Variants in GAS2L2 observed in about 807,000 individuals in gnomAD.
The protein encoded by GAS2L2 is GAS2-like protein 2.
In GAS2L2, 21 loss-of-function variants were observed where a neutral mutation model predicts 35.2. That is an observed-to-expected ratio of 0.60 (90% confidence interval 0.42 to 0.86). The LOEUF is 0.86. Ranked by LOEUF, GAS2L2 falls within the 40% of genes least tolerant of loss-of-function variation. The probability of loss-of-function intolerance (pLI) is 0.00; values close to 1 mark genes in which losing one functional copy is unlikely to be tolerated. For missense variants in GAS2L2, 1,169 were observed against 1,144.4 expected (o/e 1.02, Z -0.31); for synonymous variants, 490 against 473.2 (o/e 1.04, Z -0.46).
At position 35,746,017 on chromosome 17, in the gene GAS2L2, G is replaced by A. The variant is rs1555598906; in HGVS notation, c.1480C>T (p.Pro494Ser). 5 of 1,561,976 alleles carry A rather than the reference G, an allele frequency of 3.2e-6. No individual in the cohort carries two copies. The highest frequency in any genetic ancestry group is 4.3e-6 in the Non-Finnish European group (5 of 1,151,638). ...TTGGTTAGGCCTTGGACAGGGGTTG[G>A]AGAACGGACAGACTCTGGCTCCCTG... is the stretch of plus-strand genomic sequence containing the variant. The part of the protein sequence containing the change: ...QFREPESVRS[P>S]TPVQGLTKIP... Residue 494 changes from proline (P) to serine (S), a missense_variant, in exon 6 of 6, where the codon CCA (proline) becomes TCA (serine). By Grantham distance (74) the Pro-to-Ser change is moderately conservative. Around this residue, in one of 3 missense-constraint regions of GAS2L2, gnomAD observed 1,035 missense variants for 976.5 expected, o/e 1.06. Transcript: ENST00000604641.
rs781785259 is a variant in GAS2L2, at chr17:35,745,451, C to T, written c.2046G>A (p.Lys682=). The change falls in exon 6 of 6, where the codon AAG becomes AAA. Residue 682 remains lysine, a synonymous_variant. Transcript: ENST00000604641. Reference sequence around the variant, plus strand: ...TTCCCGGTCCTGGGGTAACAGCTGGCTTAGGGGAGCCAGTCGGGGCTGCCT... The same window carrying T: ...TTCCCGGTCCTGGGGTAACAGCTGGTTTAGGGGAGCCAGTCGGGGCTGCCT... ...AWKAAPTGSP[K]PAVTPGPGSL... 2 of 1,584,590 alleles carry T rather than the reference C, an allele frequency of 1.3e-6. No individual in the cohort carries two copies. Among genetic ancestry groups the T allele is most frequent in the Non-Finnish European group, 1.7e-6 (2 of 1,164,230 alleles).
Position 35,752,937 on chromosome 17 carries a change from G to T in GAS2L2, c.-87C>A. The T allele has an allele frequency of 7.1e-7, 1 of 1,407,054 alleles. No homozygotes were observed. Among genetic ancestry groups the T allele is most frequent in the Non-Finnish European group, 9.5e-7 (1 of 1,053,776 alleles). The allele number at this position is 1,407,054 out of a possible 1,614,324, so 87.2% of individuals were successfully genotyped here. Reference sequence around the variant, plus strand: ...CCCGCTGCTGCTGGGTCTCGGCTGGGTTCTTCCTGATTCTGAGGTTCCCGT... The same window carrying T: ...CCCGCTGCTGCTGGGTCTCGGCTGGTTTCTTCCTGATTCTGAGGTTCCCGT... On this transcript the variant is annotated 5_prime_UTR_variant, in exon 1 of 6. Transcript: ENST00000604641.
chr17:35,750,469 T>C, intron 1 of GAS2L2, 151 bp from the exon 2 acceptor site: 2 of 1,099,270 alleles, frequency 1.8e-6, no homozygotes, highest in South Asian at 2.7e-5. Flanking sequence ...CTCAGAATCT[T>C]GGGGTCAAGT....
intron 4 of GAS2L2, 131 bp downstream of exon 4, chr17:35,747,718 C>A: frequency 1.4e-6 from 1 of 713,888 alleles, no homozygotes. Flanking sequence ...CTCCAGCCTC[C>A]CCCACACCTC....
At position 35,750,257 on chromosome 17, in the gene GAS2L2, C is replaced by T; in HGVS notation, c.447G>A (p.Leu149=). The T allele has an allele frequency of 5.0e-6, 8 of 1,614,072 alleles. No individual in the cohort carries two copies. Among genetic ancestry groups the T allele is most frequent in the Non-Finnish European group, 6.8e-6 (8 of 1,179,974 alleles). Residue 149 remains leucine (L), a synonymous_variant, in exon 2 of 6, where the codon CTG becomes CTA. Transcript: ENST00000604641. ...CCCGGCGGCCCAGCTCCAGCAAACACAGCACCACGTTCTTCACGTTCTTGC... is the reference window on the plus strand; with the variant it reads ...CCCGGCGGCCCAGCTCCAGCAAACATAGCACCACGTTCTTCACGTTCTTGC... ...VLRKNVKNVV[L]CLLELGRRAW... is the part of the protein sequence containing the mutation.
chr17:35,747,163 C>T lies in GAS2L2; in HGVS notation c.938G>A (p.Arg313His), dbSNP rs201782410. 972 of 1,613,828 alleles carry T rather than the reference C, an allele frequency of 6.0e-4. No homozygotes were observed. The highest frequency in any genetic ancestry group is 7.1e-4 in the Non-Finnish European group (832 of 1,179,896). The change falls in exon 5 of 6, where the codon CGC (arginine) becomes CAC (histidine). Residue 313 changes from arginine to histidine, a missense_variant. Transcript: ENST00000604641. ...SQTQPTMTIS[R>H]SQSPPPPVDW... ...CACAGGGGGTGGTGGGCTCTGTGAG[C>T]GGCTGATGGTCATTGTAGGCTGGGT...
Position 35,752,887 on chromosome 17 carries a change from C to T in GAS2L2, c.-37G>A. 6.5e-7 allele frequency: 1 copy of T among 1,541,692 alleles called. No individual in the cohort carries two copies. Among genetic ancestry groups the T allele is most frequent in the Non-Finnish European group, 8.7e-7 (1 of 1,143,974 alleles). ...AGCAGGGCAGGAGGTGGGCACCTCC[C>T]CTCTCCCACTGCCGCCTCTTTCCTC... On this transcript the variant is annotated 5_prime_UTR_variant, in exon 1 of 6. Transcript: ENST00000604641.
Position 35,745,645 on chromosome 17 carries a change from TG to T in GAS2L2, c.1851del (p.Arg618GlyfsTer92). Reference sequence around the variant, plus strand: ...CTTGTGCCCTGCGGACAGGCACTCCTGACTTCTAGCAGCTTCATGTTGCCCA... The same window carrying T: ...CTTGTGCCCTGCGGACAGGCACTCCTACTTCTAGCAGCTTCATGTTGCCCA... ...EILGNMKLLE[V>X]RSACPQGTRS... On this transcript the variant is annotated frameshift_variant, in exon 6 of 6. Coordinates refer to ENST00000604641, the MANE Select transcript of GAS2L2 (RefSeq NM_139285.4). LOFTEE classifies it low-confidence loss of function (END_TRUNC). 1.9e-6 allele frequency: 3 copies of T among 1,613,960 alleles called. No individual in the cohort carries two copies. The highest frequency in any genetic ancestry group is 2.5e-6 in the Non-Finnish European group (3 of 1,180,034).
In GAS2L2 at chr17:35,745,069, G is replaced by A. The variant is rs782400830; in HGVS notation, c.2428C>T (p.Pro810Ser). ...AYVFLGPARQPPKDRLLRAVL... is the reference protein window; with the variant it reads ...AYVFLGPARQSPKDRLLRAVL... The stretch of plus-strand genomic sequence containing the variant: ...GCTCTCAACAGCCTGTCCTTGGGGG[G>A]CTGCCTGGCTGGACCCAGGAAGACA... The change falls in exon 6 of 6, where the codon CCC becomes TCC. Residue 810 changes from proline (P) to serine (S), a missense_variant. This residue lies in a region of GAS2L2 where 1,035 missense variants were observed against 976.5 expected (regional missense o/e 1.06). Coordinates refer to ENST00000604641, the MANE Select transcript of GAS2L2 (RefSeq NM_139285.4). The A allele has an allele frequency of 5.6e-6, 9 of 1,613,660 alleles. No homozygotes were observed. In the East Asian group the frequency reaches 1.6e-4, roughly 28 times the overall value.
rs587762210 is a variant in GAS2L2, at chr17:35,750,323, A to G, written c.386-5T>C. On this transcript the variant is annotated splice_region_variant and splice_polypyrimidine_tract_variant and intron_variant, in intron 1 of 5. Coordinates refer to ENST00000604641, the MANE Select transcript of GAS2L2 (RefSeq NM_139285.4). ...CCGTCTCGAACATCAGCACCTCTGG[A>G]GTGGAGGCGGGGAGAAAAGGGCAGA... The G allele has an allele frequency of 6.2e-7, 1 of 1,613,850 alleles. No individual in the cohort carries two copies. The highest frequency in any genetic ancestry group is 1.3e-5 in the African/African-American group (1 of 74,996).
chr17:35,747,734 C>A (rs1412391585), intron 4 of GAS2L2, 115 bp downstream of exon 4: 5 of 818,600 alleles, frequency 6.1e-6, no homozygotes, highest in African/African-American at 5.0e-5. Context: ...ACCTCCCCAC[C>A]TACCGCTCCC....
At chr17:35,750,013 C>T (rs2085692749) in intron 2 of GAS2L2, 64 bp downstream of exon 2, 1 of 1,538,138 alleles carries the variant, frequency 6.5e-7, no homozygotes, top group Non-Finnish European at 8.8e-7. Flanking sequence ...TGGAGTGGGA[C>T]TGGGGAGAGG....
At position 35,752,865 on chromosome 17, in the gene GAS2L2, A is replaced by G. The variant is rs2085713079; in HGVS notation, c.-15T>C. 3.8e-6 allele frequency: 6 copies of G among 1,573,248 alleles called. No individual in the cohort carries two copies. Among genetic ancestry groups the G allele is most frequent in the Non-Finnish European group, 5.2e-6 (6 of 1,156,186 alleles). On this transcript the variant is annotated 5_prime_UTR_variant, in exon 1 of 6. Transcript: ENST00000604641. ...GGCTGGGACATGGCTGGACCCCAGC[A>G]GGGCAGGAGGTGGGCACCTCCCCTC...
At chr17:35,748,043 T>C (rs1485104541) in intron 3 of GAS2L2, 98 bp from the exon 4 acceptor site, 2 of 799,358 alleles carry the variant, frequency 2.5e-6, no homozygotes, top group Admixed American at 4.1e-5. Context: ...GATGCTCTCA[T>C]CCATGTACCC....
At chr17:35,749,047 T>C (rs1197428394) in intron 3 of GAS2L2, 63 bp downstream of exon 3, 10 of 1,032,502 alleles carry the variant, frequency 9.7e-6, no homozygotes, top group Non-Finnish European at 1.3e-5. Flanking sequence ...CTTAGTGTCA[T>C]TGTCCCAAGC....
At position 35,745,492 on chromosome 17, in the gene GAS2L2, C is replaced by T. The variant is rs1555598771; in HGVS notation, c.2005G>A (p.Asp669Asn). ...GGGGCTGCCTTCCAGGCTTCCAGGT[C>T]CACTTTAAGGAGGGATGGGGACCCC... ...AQGSPSLLKV[D>N]LEAWKAAPTG... The change falls in exon 6 of 6, where the codon GAC (aspartate) becomes AAC (asparagine). Residue 669 changes from aspartate to asparagine, a missense_variant. Coordinates refer to ENST00000604641, the MANE Select transcript of GAS2L2 (RefSeq NM_139285.4). 1 of 1,601,140 alleles carries T rather than the reference C, an allele frequency of 6.2e-7. No homozygotes were observed. The highest frequency in any genetic ancestry group is 1.7e-5 in the Admixed American group (1 of 59,176).
In GAS2L2 at chr17:35,744,816, C is replaced by T. The variant is rs1014478429; in HGVS notation, c.*38G>A. 3.9e-5 allele frequency: 57 copies of T among 1,463,104 alleles called. No individual in the cohort carries two copies. The highest frequency in any genetic ancestry group is 5.2e-5 in the Non-Finnish European group (56 of 1,076,120). 90.6% of individuals were successfully genotyped at this position (1,463,104 alleles called of 1,614,324 possible). On this transcript the variant is annotated 3_prime_UTR_variant, in exon 6 of 6. Transcript: ENST00000604641. ...GTGAATCCAGTGTATACATGGCCAT[C>T]CTTTTTGCTTCCCTCCTACCCAACA...
At chr17:35,749,435 A>T (rs2085689850) in intron 2 of GAS2L2, among the ~76,000 whole-genome samples, 1 of 152,210 alleles carries the variant, frequency 6.6e-6, no homozygotes, top group Non-Finnish European at 1.5e-5. Flanking sequence ...GAGCTGATGG[A>T]AGCGGCAGAG....
chr17:35,747,005 C>T lies in GAS2L2; in HGVS notation c.1085+11G>A, dbSNP rs1201230887. The T allele has an allele frequency of 6.5e-7, 1 of 1,536,028 alleles. No individual in the cohort carries two copies. Among genetic ancestry groups the T allele is most frequent in the East Asian group, 2.3e-5 (1 of 44,094 alleles). The stretch of plus-strand genomic sequence containing the variant: ...AGGAAAAAGAGCCCCATCCCTGTCT[C>T]TTCCCCATACCTCAGGAATGGTGCC... On this transcript the variant is annotated intron_variant, in intron 5 of 5. Coordinates refer to ENST00000604641, the MANE Select transcript of GAS2L2 (RefSeq NM_139285.4).
Sources: gnomAD v4.1 joint callset for allele counts (sites outside exome capture counted in the v4.1 genomes callset) on GRCh38, gnomAD v4.1.1 for gene constraint, gnomAD v4.1.1 regional missense constraint, MANE v1.5 for transcripts, NCBI Gene and HGNC (gene_info 2026-07-23, HGNC 2026-07-21) for gene names.